Variants in ZBTB7C observed in about 807,000 individuals in gnomAD.
ZBTB7C encodes zinc finger and BTB domain containing 7C.
A neutral mutation model predicts 25.7 loss-of-function variants in ZBTB7C; 8 were observed. That is an observed-to-expected ratio of 0.31 (90% CI 0.18 to 0.56). ZBTB7C has a LOEUF of 0.56. Among genes scored for constraint, ZBTB7C ranks in the 20% least tolerant of loss-of-function variants. ZBTB7C has a pLI of 0.91. For synonymous variants in ZBTB7C, 394 were observed against 369.0 expected, an observed-to-expected ratio of 1.07 and a Z score of -0.78; for missense variants, 824 against 855.2, an observed-to-expected ratio of 0.96 and a Z score of 0.46.
At chr18:48,409,991 AGAGATGGGCTCTGCCGACCCGGGGCAGC>A (rs1484753211), upstream of ZBTB7C, among the ~76,000 whole-genome samples, 5,504 of 127,102 alleles carry the variant, frequency 0.043, 320 homozygotes, top group African/African-American at 0.19. Flanking sequence ...GCGGTGCGGC[AGAGATGGGCTCTGCCGACCCGGGGCAGC>A]GGTGCGGCAG....
At chr18:48,059,192 AT>A (rs1031075422) in intron 3 of ZBTB7C, among the ~76,000 whole-genome samples, 2 of 150,434 alleles carry the variant, frequency 1.3e-5, no homozygotes, top group Admixed American at 6.6e-5. Context: ...TTGTCCATTT[AT>A]TTTTTTTTGC....
intron 1 of ZBTB7C, among the ~76,000 whole-genome samples, chr18:48,352,382 C>G (rs1451679550): frequency 1.3e-5 from 2 of 152,374 alleles, no homozygotes; most frequent in African/African-American, 2.4e-5. Flanking sequence ...GCCCTGGGGG[C>G]ATCCGCAGTA....
intron 1 of ZBTB7C, among the ~76,000 whole-genome samples, chr18:48,385,545 C>T (rs753730762): frequency 1.3e-5 from 2 of 152,212 alleles, no homozygotes; most frequent in African/African-American, 2.4e-5. Flanking sequence ...ACCCCCCTTG[C>T]AAGTCTAAAT....
chr18:48,286,894 A>T (rs946375511), intron 2 of ZBTB7C, among the ~76,000 whole-genome samples: 3 of 152,182 alleles, frequency 2.0e-5, no homozygotes, highest in Non-Finnish European at 4.4e-5. Flanking sequence ...TTGACAAAAA[A>T]TACAAAAATT....
At chr18:48,137,892 C>T (rs1474537787) in intron 3 of ZBTB7C, among the ~76,000 whole-genome samples, 1 of 152,272 alleles carries the variant, frequency 6.6e-6, no homozygotes, top group Non-Finnish European at 1.5e-5. Flanking sequence ...TCCTTCAAAC[C>T]TCACACAAAC....
intron 2 of ZBTB7C, among the ~76,000 whole-genome samples, chr18:48,288,443 T>A (rs1430330210): frequency 6.6e-6 from 1 of 151,502 alleles, no homozygotes. Flanking sequence ...AGGCCAGGAG[T>A]TCGGGACCAG....
chr18:48,128,107 C>G (rs1458752482), intron 3 of ZBTB7C, among the ~76,000 whole-genome samples: 1 of 152,232 alleles, frequency 6.6e-6, no homozygotes, highest in Non-Finnish European at 1.5e-5. Context: ...ATCACTCCTG[C>G]CTGCCTGAAC....
chr18:48,121,393 AAT>A, intron 3 of ZBTB7C, among the ~76,000 whole-genome samples: 1 of 120,550 alleles, frequency 8.3e-6, no homozygotes, highest in African/African-American at 3.5e-5. Context: ...AAGTTGGCTT[AAT>A]ACTCTTTTTT....
chr18:48,051,984 A>C (rs2036705920), intron 3 of ZBTB7C, among the ~76,000 whole-genome samples: 2 of 152,224 alleles, frequency 1.3e-5, no homozygotes, highest in Admixed American at 1.3e-4. Flanking sequence ...TTCATGTTCA[A>C]AATAAAGGAT....
chr18:48,189,089 C>T (rs1216207584), intron 2 of ZBTB7C, among the ~76,000 whole-genome samples: 1 of 152,206 alleles, frequency 6.6e-6, no homozygotes, highest in Non-Finnish European at 1.5e-5. Context: ...CTGAGCACAC[C>T]ATGGTTGCCG....
intron 3 of ZBTB7C, among the ~76,000 whole-genome samples, chr18:48,162,106 C>A (rs2041078071): frequency 7.1e-6 from 1 of 141,542 alleles, no homozygotes. Context: ...CCGCCGCAGG[C>A]CGCCCACCTC....
At chr18:48,259,591 G>A (rs529569031) in intron 2 of ZBTB7C, among the ~76,000 whole-genome samples, 3 of 152,126 alleles carry the variant, frequency 2.0e-5, no homozygotes, top group African/African-American at 7.2e-5. Flanking sequence ...ACCATGAAGA[G>A]AATGAAAAGA....
intron 2 of ZBTB7C, among the ~76,000 whole-genome samples, chr18:48,234,130 G>A (rs2043319729): frequency 1.3e-5 from 2 of 151,192 alleles, no homozygotes; most frequent in Admixed American, 6.6e-5. Flanking sequence ...AATCCTATGT[G>A]ACCCTCAAGA....
intron 2 of ZBTB7C, among the ~76,000 whole-genome samples, chr18:48,222,281 A>G (rs573990437): frequency 1.3e-5 from 2 of 152,248 alleles, no homozygotes; most frequent in South Asian, 2.1e-4. Flanking sequence ...AAAGCTGCCT[A>G]TGAAACCGAC....
chr18:48,279,266 T>C (rs889057661), intron 2 of ZBTB7C, among the ~76,000 whole-genome samples: 7 of 152,190 alleles, frequency 4.6e-5, no homozygotes, highest in Non-Finnish European at 7.3e-5. Flanking sequence ...CCTTGGTCTC[T>C]TTCCAGTCTG....
chr18:48,398,510 A>C (rs904643479), intron 1 of ZBTB7C, among the ~76,000 whole-genome samples: 12 of 152,028 alleles, frequency 7.9e-5, no homozygotes, highest in Non-Finnish European at 1.5e-5. Context: ...CCTCCCTGAT[A>C]CCCTGCACCT....
chr18:48,090,399 C>A (rs538144343), intron 3 of ZBTB7C, among the ~76,000 whole-genome samples: 1 of 152,226 alleles, frequency 6.6e-6, no homozygotes, highest in Non-Finnish European at 1.5e-5. Flanking sequence ...TTTGCAAGGA[C>A]ACCTACAGAC....
chr18:48,144,805 T>A (rs1044704897), intron 3 of ZBTB7C, among the ~76,000 whole-genome samples: 1 of 152,226 alleles, frequency 6.6e-6, no homozygotes, highest in East Asian at 1.9e-4. Flanking sequence ...CTACTCCTGA[T>A]GAAACCCAGT....
At chr18:48,266,789 G>A (rs1568340332) in intron 2 of ZBTB7C, among the ~76,000 whole-genome samples, 1 of 151,814 alleles carries the variant, frequency 6.6e-6, no homozygotes, top group African/African-American at 2.4e-5. Context: ...TCTGTTTAAT[G>A]TTACAGGTAG....
Sources: gnomAD v4.1 joint callset for allele counts (sites outside exome capture counted in the v4.1 genomes callset) on GRCh38, gnomAD v4.1.1 for gene constraint, MANE v1.5 for transcripts, NCBI Gene and HGNC (gene_info 2026-07-23, HGNC 2026-07-21) for gene names.